Variants in ZC3H12B observed in about 807,000 individuals in gnomAD.
ZC3H12B encodes probable ribonuclease ZC3H12B.
A neutral mutation model predicts 43.9 loss-of-function variants in ZC3H12B; 7 were observed. The observed-to-expected ratio is 0.16, with a 90% CI of 0.09 to 0.30. The LOEUF is 0.30. ZC3H12B is among the 10% of genes least tolerant of loss of function. The probability of loss-of-function intolerance (pLI) is 1.00; values close to 1 mark genes in which losing one functional copy is unlikely to be tolerated. For synonymous variants in ZC3H12B, 222 were observed against 241.7 expected (o/e 0.92, Z 0.76); for missense variants, 475 against 670.2 (o/e 0.71, Z 3.22).
At chrX:65,424,201 A>G (rs1489238870) in intron 3 of ZC3H12B, among the ~76,000 whole-genome samples, 1 of 111,852 alleles carries the variant, frequency 8.9e-6, no homozygotes, top group Non-Finnish European at 1.9e-5. Flanking sequence ...TTTGATTTGC[A>G]TTTCTCTAAT....
chrX:65,114,916 ATTTTT>A, the ZC3H12B span, among the ~76,000 whole-genome samples: 2 of 19,324 alleles, frequency 1.0e-4, no homozygotes, highest in African/African-American at 2.7e-4. Context: ...GTGTCTCAGG[ATTTTT>A]TTTTTTTTTT....
chrX:65,411,890 C>A (rs141925319), intron 3 of ZC3H12B, among the ~76,000 whole-genome samples: 9 of 106,850 alleles, frequency 8.4e-5, no homozygotes, highest in Non-Finnish European at 1.9e-5. Flanking sequence ...CAAATATAGA[C>A]GCCCACAAAA....
chrX:65,404,632 G>T (rs2066801318), intron 3 of ZC3H12B, among the ~76,000 whole-genome samples: 1 of 111,157 alleles, frequency 9.0e-6, no homozygotes, highest in African/African-American at 3.3e-5. Context: ...ATGATAAAGG[G>T]GTAAATTCAG....
chrX:65,464,320 A>G (rs1318230315), intron 3 of ZC3H12B, among the ~76,000 whole-genome samples: 1 of 111,619 alleles, frequency 9.0e-6, no homozygotes, highest in African/African-American at 3.2e-5. Flanking sequence ...GTCTGTTTAG[A>G]TTTCAAGTCA....
intron 3 of ZC3H12B, among the ~76,000 whole-genome samples, chrX:65,449,390 G>A (rs762038562): frequency 3.6e-5 from 4 of 111,508 alleles, no homozygotes; most frequent in East Asian, 2.8e-4. Context: ...AGGCCAAGGC[G>A]GGCGGATCAC....
the ZC3H12B span, among the ~76,000 whole-genome samples, chrX:65,263,075 T>G: frequency 1.8e-5 from 2 of 111,343 alleles, no homozygotes; most frequent in African/African-American, 3.2e-5. Context: ...CTAAGCTTTT[T>G]TTCTCTCACC....
chrX:65,211,808 A>C, the ZC3H12B span, among the ~76,000 whole-genome samples: 5 of 81,974 alleles, frequency 6.1e-5, no homozygotes, highest in Non-Finnish European at 8.7e-5. Context: ...ATACTATATA[A>C]TATATAATAT....
At chrX:65,106,138 C>T in the ZC3H12B span, among the ~76,000 whole-genome samples, 2 of 111,182 alleles carry the variant, frequency 1.8e-5, no homozygotes, top group Non-Finnish European at 1.9e-5. Flanking sequence ...AGCATTAAAA[C>T]CCAATACTTC....
intron 3 of ZC3H12B, among the ~76,000 whole-genome samples, chrX:65,442,368 G>C (rs955977827): frequency 9.0e-6 from 1 of 110,668 alleles, no homozygotes; most frequent in Non-Finnish European, 1.9e-5. Flanking sequence ...ATCAACATAT[G>C]GTTCTCTGGG....
the ZC3H12B span, among the ~76,000 whole-genome samples, chrX:65,313,968 A>G: frequency 3.6e-5 from 4 of 112,094 alleles, no homozygotes; most frequent in Non-Finnish European, 5.6e-5. Context: ...TAAGAAATAC[A>G]AACTATTTTT....
At chrX:65,169,690 T>C in the ZC3H12B span, among the ~76,000 whole-genome samples, 1 of 112,038 alleles carries the variant, frequency 8.9e-6, no homozygotes, top group African/African-American at 3.2e-5. Flanking sequence ...TAAGTCTATA[T>C]GGACTTACTT....
At chrX:65,046,293 T>C in the ZC3H12B span, among the ~76,000 whole-genome samples, 3 of 112,149 alleles carry the variant, frequency 2.7e-5, no homozygotes, top group Non-Finnish European at 5.6e-5. Flanking sequence ...TTATCTACAT[T>C]GTAAGTCTGT....
At chrX:65,403,726 A>C (rs1264338108) in intron 3 of ZC3H12B, among the ~76,000 whole-genome samples, 4 of 111,706 alleles carry the variant, frequency 3.6e-5, no homozygotes, top group Non-Finnish European at 1.9e-5. Context: ...TATGGCAAAA[A>C]TTCCCTTCAA....
At chrX:65,118,834 G>A in the ZC3H12B span, among the ~76,000 whole-genome samples, 1 of 92,204 alleles carries the variant, frequency 1.1e-5, no homozygotes, top group African/African-American at 4.2e-5. Context: ...GGTGTGTGAT[G>A]TTCCCCTTCC....
chrX:65,255,050 A>T, the ZC3H12B span, among the ~76,000 whole-genome samples: 5 of 111,951 alleles, frequency 4.5e-5, no homozygotes, highest in African/African-American at 1.6e-4. Flanking sequence ...CACCTCTGAG[A>T]AATATGGAAT....
the ZC3H12B span, among the ~76,000 whole-genome samples, chrX:65,259,847 A>G: frequency 8.9e-6 from 1 of 112,037 alleles, no homozygotes; most frequent in African/African-American, 3.2e-5. Context: ...AATGAGTAGA[A>G]AAAGAAAATG....
intron 3 of ZC3H12B, among the ~76,000 whole-genome samples, chrX:65,442,939 A>G (rs776431625): frequency 2.3e-4 from 26 of 110,958 alleles, no homozygotes; most frequent in African/African-American, 8.5e-4. Flanking sequence ...CTGCTTGAAC[A>G]GTCACTGGGG....
chrX:65,455,668 A>G (rs1356527506), intron 3 of ZC3H12B, among the ~76,000 whole-genome samples: 2 of 111,691 alleles, frequency 1.8e-5, no homozygotes, highest in African/African-American at 6.5e-5. Flanking sequence ...CCCAAGACAC[A>G]TAATTGTCAG....
chrX:65,257,365 A>G, the ZC3H12B span, among the ~76,000 whole-genome samples: 1 of 111,268 alleles, frequency 9.0e-6, no homozygotes, highest in South Asian at 3.8e-4. Flanking sequence ...AGAAAACCAA[A>G]CACCGCATGT....
Sources: allele counts gnomAD v4.1 joint callset (sites outside exome capture counted in the v4.1 genomes callset), GRCh38; gene constraint gnomAD v4.1.1; transcripts MANE v1.5; gene names NCBI Gene and HGNC (gene_info 2026-07-23, HGNC 2026-07-21).